Variants in NXPE4 observed in about 807,000 individuals in gnomAD.
NXPE4 encodes NXPE family member 4.
In NXPE4, 42 loss-of-function variants were observed where a neutral mutation model predicts 33.3. That is an observed-to-expected ratio of 1.26 (90% CI 0.98 to 1.63). The LOEUF is 1.63. Among genes scored for constraint, NXPE4 ranks in the 40% most tolerant of loss-of-function variants. NXPE4 has a pLI of 0.00. For synonymous variants in NXPE4, 253 were observed against 234.9 expected, an observed-to-expected ratio of 1.08 and a Z score of -0.71; for missense variants, 709 against 647.6, an observed-to-expected ratio of 1.09 and a Z score of -1.03.
chr11:114,642,929 T>C, the NXPE4 span, among the ~76,000 whole-genome samples: 1 of 152,084 alleles, frequency 6.6e-6, no homozygotes, highest in East Asian at 1.9e-4. Context: ...GCATCGGATG[T>C]TTCCTGACAT....
At chr11:114,655,310 C>A in the NXPE4 span, among the ~76,000 whole-genome samples, 11 of 152,148 alleles carry the variant, frequency 7.2e-5, no homozygotes, top group Non-Finnish European at 1.6e-4. Context: ...TTTTGCTGTG[C>A]AAAAACTCTT....
At chr11:114,650,890 C>T in the NXPE4 span, among the ~76,000 whole-genome samples, 1 of 152,104 alleles carries the variant, frequency 6.6e-6, no homozygotes, top group Non-Finnish European at 1.5e-5. Flanking sequence ...AAACGGCAAG[C>T]TGCAGCTGGT....
chr11:114,605,548 A>C, the NXPE4 span, among the ~76,000 whole-genome samples: 5 of 148,424 alleles, frequency 3.4e-5, no homozygotes, highest in East Asian at 2.1e-4. Flanking sequence ...GTGTTGCCTC[A>C]TGGGTAACCA....
At chr11:114,637,030 G>A in the NXPE4 span, among the ~76,000 whole-genome samples, 1 of 152,042 alleles carries the variant, frequency 6.6e-6, no homozygotes, top group Admixed American at 6.5e-5. Context: ...TTGACTTTCT[G>A]TCTCATTGAT....
At chr11:114,625,874 G>T in the NXPE4 span, among the ~76,000 whole-genome samples, 1 of 152,112 alleles carries the variant, frequency 6.6e-6, no homozygotes, top group African/African-American at 2.4e-5. Flanking sequence ...AAGCGCAAGG[G>T]GTCAGGGAGT....
At chr11:114,586,083 C>T (rs1031906987) in intron 2 of NXPE4, among the ~76,000 whole-genome samples, 6 of 152,150 alleles carry the variant, frequency 3.9e-5, no homozygotes, top group African/African-American at 1.4e-4. Context: ...AATGTTACAC[C>T]TGGGGTGACC....
chr11:114,675,824 A>G, the NXPE4 span, among the ~76,000 whole-genome samples: 1 of 151,920 alleles, frequency 6.6e-6, no homozygotes, highest in Non-Finnish European at 1.5e-5. Flanking sequence ...AAAGCTGGAA[A>G]TATTAAACTA....
At chr11:114,572,046 G>C (rs1023847785) in intron 5 of NXPE4, among the ~76,000 whole-genome samples, 3 of 152,186 alleles carry the variant, frequency 2.0e-5, no homozygotes, top group Non-Finnish European at 4.4e-5. Flanking sequence ...ATTCAAGGCT[G>C]CAAGACCTGA....
chr11:114,635,905 A>G, the NXPE4 span, among the ~76,000 whole-genome samples: 5 of 152,174 alleles, frequency 3.3e-5, no homozygotes, highest in Admixed American at 6.6e-5. Context: ...ATGTTCATCA[A>G]GGATATTGGT....
chr11:114,582,861 C>G lies in NXPE4; in HGVS notation c.257G>C (p.Arg86Thr). 6.2e-7 allele frequency: 1 copy of G among 1,614,136 alleles called. No homozygotes were observed. The highest frequency in any genetic ancestry group is 8.5e-7 in the Non-Finnish European group (1 of 1,179,994). Reference protein sequence around the residue: ...IEKLDQQIPPRPFTHVNTTTS... With the variant: ...IEKLDQQIPPTPFTHVNTTTS... ...GGTGGTGTTCACGTGGGTGAAAGGT[C>G]TGGGTGGGATCTGCTGATCTAGTTT... The change falls in exon 3 of 6, where the codon AGA becomes ACA. Residue 86 changes from arginine (R) to threonine (T), a missense_variant. By Grantham distance (71) the Arg-to-Thr change is moderately conservative (BLOSUM62 -1). Transcript: ENST00000375478.
At chr11:114,641,051 A>C in the NXPE4 span, among the ~76,000 whole-genome samples, 1 of 151,872 alleles carries the variant, frequency 6.6e-6, no homozygotes, top group South Asian at 2.1e-4. Context: ...ACAAGACATC[A>C]GAAAGAAGAA....
the NXPE4 span, among the ~76,000 whole-genome samples, chr11:114,621,399 C>A: frequency 6.6e-6 from 1 of 152,104 alleles, no homozygotes; most frequent in Non-Finnish European, 1.5e-5. Flanking sequence ...TCGTGGGTAA[C>A]CACAGTTACC....
chr11:114,636,262 T>C, the NXPE4 span, among the ~76,000 whole-genome samples: 2 of 152,060 alleles, frequency 1.3e-5, no homozygotes, highest in African/African-American at 4.8e-5. Flanking sequence ...GAGGTGTTTG[T>C]AGTATTCTCT....
chr11:114,660,993 A>G, the NXPE4 span, among the ~76,000 whole-genome samples: 1 of 152,190 alleles, frequency 6.6e-6, no homozygotes, highest in African/African-American at 2.4e-5. Context: ...ATTAAAATTA[A>G]TAACACAGCA....
the NXPE4 span, among the ~76,000 whole-genome samples, chr11:114,620,791 TAA>T: frequency 2.6e-5 from 4 of 152,018 alleles, no homozygotes; most frequent in Non-Finnish European, 4.4e-5. Flanking sequence ...TGGTGGATAA[TAA>T]GTGTTGCCTC....
the NXPE4 span, among the ~76,000 whole-genome samples, chr11:114,651,762 T>C: frequency 6.6e-6 from 1 of 152,266 alleles, no homozygotes; most frequent in South Asian, 2.1e-4. Context: ...TTTTACAGAG[T>C]GCTGATTGGT....
At chr11:114,656,522 A>T in the NXPE4 span, among the ~76,000 whole-genome samples, 1 of 152,114 alleles carries the variant, frequency 6.6e-6, no homozygotes, top group Non-Finnish European at 1.5e-5. Flanking sequence ...CAAGTTTTTC[A>T]TCTCTAAAAT....
At chr11:114,663,684 A>ATCTC in the NXPE4 span, among the ~76,000 whole-genome samples, 1 of 146,076 alleles carries the variant, frequency 6.8e-6, no homozygotes, top group African/African-American at 2.7e-5. Flanking sequence ...CTATTTATCT[A>ATCTC]TCTATCTATC....
chr11:114,663,193 C>G, the NXPE4 span, among the ~76,000 whole-genome samples: 1 of 152,094 alleles, frequency 6.6e-6, no homozygotes, highest in Non-Finnish European at 1.5e-5. Flanking sequence ...ACAGCAGCCA[C>G]AGGTTGAAGT....
Sources: allele counts gnomAD v4.1 joint callset (sites outside exome capture counted in the v4.1 genomes callset), GRCh38; gene constraint gnomAD v4.1.1; transcripts MANE v1.5; gene names NCBI Gene and HGNC (gene_info 2026-07-23, HGNC 2026-07-21).